The following TACR3 variants were observed in gnomAD, a reference collection of about 807,000 sequenced individuals.
TACR3 encodes neuromedin-K receptor.
A neutral mutation model predicts 35.0 loss-of-function variants in TACR3; 34 were observed. That is an observed-to-expected ratio of 0.97 (90% CI 0.74 to 1.30). The LOEUF (loss-of-function observed/expected upper bound fraction) is 1.30. TACR3 is among the 50% of genes most tolerant of loss of function. TACR3 has a pLI of 0.00. For synonymous variants in TACR3, 233 were observed against 221.1 expected, an observed-to-expected ratio of 1.05 and a Z score of -0.48; for missense variants, 558 against 591.7, an observed-to-expected ratio of 0.94 and a Z score of 0.59.
At chr4:103,656,668 G>T (rs1335621873) in intron 2 of TACR3, among the ~76,000 whole-genome samples, 23 of 152,008 alleles carry the variant, frequency 1.5e-4, no homozygotes, top group Admixed American at 1.5e-3. Context: ...CTTGGTAATT[G>T]TTGAGCTAAA....
chr4:103,611,324 T>A (rs1560806100), intron 3 of TACR3, among the ~76,000 whole-genome samples: 1 of 152,224 alleles, frequency 6.6e-6, no homozygotes, highest in Non-Finnish European at 1.5e-5. Flanking sequence ...GTTTTTATTG[T>A]AGAGATCTTC....
At chr4:103,623,439 G>C (rs1365135296) in intron 3 of TACR3, among the ~76,000 whole-genome samples, 2 of 151,722 alleles carry the variant, frequency 1.3e-5, no homozygotes, top group Non-Finnish European at 2.9e-5. Flanking sequence ...CTTATTTTAT[G>C]GCAAAATTTA....
intron 1 of TACR3, among the ~76,000 whole-genome samples, chr4:103,697,518 G>A (rs955334068): frequency 2.0e-5 from 3 of 151,698 alleles, no homozygotes; most frequent in Non-Finnish European, 4.4e-5. Flanking sequence ...TTCGCCTCCC[G>A]GGTTCACTCC....
chr4:103,656,319 C>T lies in TACR3; in HGVS notation c.763G>A (p.Val255Met), dbSNP rs201573005. 3 of 1,612,472 alleles carry T rather than the reference C, an allele frequency of 1.9e-6. No individual in the cohort carries two copies. Among genetic ancestry groups the T allele is most frequent in the South Asian group, 2.2e-5 (2 of 91,052 alleles). ...FTYHIIVIIL[V>M]YCFPLLIMGI... ...ATGATGAGCAATGGGAAACAGTACA[C>T]CAGTATAATGACGATAATATGGTAA... Residue 255 changes from valine to methionine, a missense_variant, in exon 3 of 5, where the codon GTG (valine) becomes ATG (methionine). By Grantham distance (21) the Val-to-Met change is conservative. Transcript: ENST00000304883.
chr4:103,596,740 C>A (rs1248052684), intron 3 of TACR3, among the ~76,000 whole-genome samples: 1 of 152,026 alleles, frequency 6.6e-6, no homozygotes, highest in Non-Finnish European at 1.5e-5. Context: ...TCTCCTAATG[C>A]TATCCCTCCC....
intron 1 of TACR3, among the ~76,000 whole-genome samples, chr4:103,700,139 A>C (rs1722617145): frequency 6.6e-6 from 1 of 152,140 alleles, no homozygotes; most frequent in African/African-American, 2.4e-5. Context: ...ACAACAAAAA[A>C]CACAACTCCT....
chr4:103,669,144 T>A (rs1402358626), intron 1 of TACR3, among the ~76,000 whole-genome samples: 1 of 152,120 alleles, frequency 6.6e-6, no homozygotes, highest in Non-Finnish European at 1.5e-5. Flanking sequence ...AATGACAGGA[T>A]TTCATTTTTT....
intron 3 of TACR3, among the ~76,000 whole-genome samples, chr4:103,619,323 G>T (rs1229359112): frequency 6.6e-6 from 1 of 152,088 alleles, no homozygotes. Context: ...CTGAGTAGCT[G>T]GGATTGCAGA....
At chr4:103,669,620 C>T (rs1005564661) in intron 1 of TACR3, among the ~76,000 whole-genome samples, 6 of 151,840 alleles carry the variant, frequency 4.0e-5, no homozygotes, top group Non-Finnish European at 7.4e-5. Context: ...TTTTAATATA[C>T]TTGTTGATGA....
chr4:103,642,398 T>C (rs1725373701), intron 3 of TACR3, among the ~76,000 whole-genome samples: 1 of 151,826 alleles, frequency 6.6e-6, no homozygotes. Context: ...AAATTATTAT[T>C]ATTTGTCTAT....
intron 1 of TACR3, among the ~76,000 whole-genome samples, chr4:103,685,132 A>G (rs1488836756): frequency 1.3e-5 from 2 of 152,166 alleles, no homozygotes; most frequent in East Asian, 3.9e-4. Flanking sequence ...ACTTCTGTGC[A>G]GCAGTAATCA....
intron 1 of TACR3, among the ~76,000 whole-genome samples, chr4:103,687,330 C>T (rs1722272979): frequency 2.0e-5 from 3 of 152,054 alleles, no homozygotes; most frequent in Non-Finnish European, 4.4e-5. Flanking sequence ...CCTTTGAAAA[C>T]TGGCACAAGA....
intron 1 of TACR3, among the ~76,000 whole-genome samples, chr4:103,698,339 A>AT (rs1224736209): frequency 1.3e-5 from 2 of 152,110 alleles, no homozygotes; most frequent in African/African-American, 4.8e-5. Context: ...ATAAATACTC[A>AT]ATTTCATAAG....
intron 3 of TACR3, among the ~76,000 whole-genome samples, chr4:103,635,445 T>A (rs892950426): frequency 3.9e-5 from 6 of 151,964 alleles, no homozygotes; most frequent in Admixed American, 6.6e-5. Context: ...CCCCTACCCC[T>A]GTGCAAAACA....
At chr4:103,688,958 AT>A (rs1156799349) in intron 1 of TACR3, among the ~76,000 whole-genome samples, 5 of 152,168 alleles carry the variant, frequency 3.3e-5, no homozygotes, top group Non-Finnish European at 7.3e-5. Context: ...GCGTATGTTT[AT>A]TGCGGCACTA....
intron 3 of TACR3, among the ~76,000 whole-genome samples, chr4:103,650,596 T>C (rs1246475667): frequency 3.6e-5 from 4 of 109,868 alleles, no homozygotes; most frequent in African/African-American, 1.4e-4. Flanking sequence ...AAAATAAAAT[T>C]TATATAAAAT....
intron 1 of TACR3, among the ~76,000 whole-genome samples, chr4:103,675,995 A>C (rs115753994): frequency 0.016 from 2,491 of 152,290 alleles, 85 homozygotes; most frequent in African/African-American, 0.058. Flanking sequence ...CAGATACAGA[A>C]TAATCACTCT....
At chr4:103,639,422 C>G (rs1207208017) in intron 3 of TACR3, among the ~76,000 whole-genome samples, 1 of 151,842 alleles carries the variant, frequency 6.6e-6, no homozygotes, top group Non-Finnish European at 1.5e-5. Flanking sequence ...AGGGGAACAT[C>G]ACACACCAGG....
chr4:103,646,116 A>G (rs1056825029), intron 3 of TACR3, among the ~76,000 whole-genome samples: 1 of 152,024 alleles, frequency 6.6e-6, no homozygotes, highest in Non-Finnish European at 1.5e-5. Flanking sequence ...AAATTTGAAC[A>G]TACTAGTACT....
Sources: allele counts gnomAD v4.1 joint callset (sites outside exome capture counted in the v4.1 genomes callset), GRCh38; gene constraint gnomAD v4.1.1; transcripts MANE v1.5; gene names NCBI Gene and HGNC (gene_info 2026-07-23, HGNC 2026-07-21).